Variants in STK3 observed in about 807,000 individuals in gnomAD.
STK3 encodes serine/threonine-protein kinase 3.
STK3 carries 41 observed loss-of-function variants against 58.0 expected under a neutral mutation model. The ratio of observed to expected loss-of-function variants is 0.71; its 90% CI spans 0.55 to 0.92. STK3 has a LOEUF of 0.92. Ranked by LOEUF, STK3 falls within the 40% of genes least tolerant of loss-of-function variation. The probability of loss-of-function intolerance (pLI) is 0.00; values close to 1 mark genes in which losing one functional copy is unlikely to be tolerated. For synonymous variants in STK3, 170 were observed against 191.0 expected (o/e 0.89, Z 0.91); for missense variants, 479 against 602.7 (o/e 0.79, Z 2.15).
At chr8:98,597,598 C>G (rs1409971260) in intron 6 of STK3, 1 of 985,406 alleles carries the variant, frequency 1.0e-6, no homozygotes, top group East Asian at 1.1e-4. Context: ...CTACTTCGTT[C>G]AGACAAAATC....
intron 3 of STK3, among the ~76,000 whole-genome samples, chr8:98,418,277 T>G (rs1009708879): frequency 6.6e-6 from 1 of 152,242 alleles, no homozygotes; most frequent in Non-Finnish European, 1.5e-5. Context: ...ATGCCTGATC[T>G]GTGGGTAGGG....
intron 3 of STK3, among the ~76,000 whole-genome samples, chr8:98,406,057 C>T (rs1466432667): frequency 6.6e-6 from 1 of 152,106 alleles, no homozygotes; most frequent in Non-Finnish European, 1.5e-5. Context: ...GAATTTGGCA[C>T]CCTCCTCTAT....
At chr8:98,935,734 C>T (rs1458534646) in intron 1 of STK3, among the ~76,000 whole-genome samples, 1 of 152,084 alleles carries the variant, frequency 6.6e-6, no homozygotes, top group Admixed American at 6.5e-5. Context: ...AAATTGTATA[C>T]TCTTGATAAC....
intron 6 of STK3, among the ~76,000 whole-genome samples, chr8:98,635,993 T>C (rs1466879296): frequency 6.6e-6 from 1 of 152,064 alleles, no homozygotes; most frequent in Non-Finnish European, 1.5e-5. Flanking sequence ...ACATTACCTA[T>C]TTTTTTATGC....
At chr8:98,911,269 A>G (rs1437530376) in intron 1 of STK3, among the ~76,000 whole-genome samples, 1 of 152,208 alleles carries the variant, frequency 6.6e-6, no homozygotes. Context: ...GTAGACCACA[A>G]CTAATTGTTA....
intron 1 of STK3, chr8:98,904,726 TC>T: frequency 2.4e-6 from 2 of 830,770 alleles, no homozygotes; most frequent in Non-Finnish European, 3.9e-6. Context: ...CGTAGCCCTC[TC>T]CAACTGTGGG....
chr8:98,893,478 GAAAGAAAGAGAA>G (rs1347325115), intron 1 of STK3, among the ~76,000 whole-genome samples: 1,335 of 64,274 alleles, frequency 0.021, 11 homozygotes, highest in Admixed American at 0.026. Context: ...AAGAAAGAAA[GAAAGAAAGAGAA>G]AGAAAGAAAG....
chr8:98,911,420 G>T (rs532899275), intron 1 of STK3, among the ~76,000 whole-genome samples: 152 of 152,114 alleles, frequency 1.0e-3, no homozygotes, highest in African/African-American at 3.0e-3. Context: ...TGGAGAGAGG[G>T]TCTTGCTCTG....
chr8:98,678,011 C>T (rs1416982050), intron 6 of STK3, among the ~76,000 whole-genome samples: 3 of 151,886 alleles, frequency 2.0e-5, no homozygotes, highest in African/African-American at 7.3e-5. Context: ...TTGGCAGGTA[C>T]AATACATTTT....
chr8:98,373,288 A>G (rs1388941884), intron 2 of STK3, among the ~76,000 whole-genome samples: 2 of 152,070 alleles, frequency 1.3e-5, no homozygotes, highest in Admixed American at 1.3e-4. Flanking sequence ...CCCAATCTCT[A>G]CCCTCCTGTA....
Position 98,817,739 on chromosome 8 carries a change from C to T in STK3, c.26+7776G>A, listed in dbSNP as rs1327113419. ...TCCTTCATTTATAACTCCAAAATAT[C>T]GCAAATCTCTCAACTTCTATCTCCA... On this transcript the variant is annotated intron_variant, in intron 1 of 10. Transcript: ENST00000419617. Among the ~76,000 whole-genome samples, 5 of 152,166 alleles carry T rather than the reference C, an allele frequency of 3.3e-5. No individual in the cohort carries two copies. In the South Asian group the frequency reaches 6.2e-4, roughly 19 times the overall value.
chr8:98,725,998 C>T (rs1484572514), intron 4 of STK3, among the ~76,000 whole-genome samples: 1 of 152,154 alleles, frequency 6.6e-6, no homozygotes, highest in Non-Finnish European at 1.5e-5. Flanking sequence ...GCTCCACATC[C>T]AAAGGGCTTT....
chr8:98,711,658 T>C (rs1442827575), intron 4 of STK3, among the ~76,000 whole-genome samples: 4 of 152,142 alleles, frequency 2.6e-5, no homozygotes, highest in African/African-American at 4.8e-5. Context: ...CTATGTCTGA[T>C]TGGTGTACCT....
chr8:98,897,058 A>C (rs573231589), intron 1 of STK3, among the ~76,000 whole-genome samples: 1 of 152,302 alleles, frequency 6.6e-6, no homozygotes, highest in Admixed American at 6.5e-5. Flanking sequence ...CTGTGTGTCC[A>C]TGTCTGTGTC....
intron 1 of STK3, chr8:98,905,550 T>C: frequency 9.5e-7 from 1 of 1,052,252 alleles, no homozygotes; most frequent in Non-Finnish European, 1.5e-6. Context: ...GTCTTCTATG[T>C]GTACAAAGCC....
chr8:98,526,043 T>G (rs1825722851), intron 10 of STK3, among the ~76,000 whole-genome samples: 2 of 152,044 alleles, frequency 1.3e-5, no homozygotes, highest in African/African-American at 4.8e-5. Context: ...AAAATGTGGT[T>G]AAGTAAAAAT....
At chr8:98,479,497 G>T (rs1413995044) in intron 10 of STK3, among the ~76,000 whole-genome samples, 8 of 95,434 alleles carry the variant, frequency 8.4e-5, no homozygotes, top group African/African-American at 2.8e-4. Flanking sequence ...GGGGGGGGGG[G>T]GGGGGCGGGA....
intron 6 of STK3, among the ~76,000 whole-genome samples, chr8:98,608,313 A>G (rs917230483): frequency 6.6e-6 from 1 of 152,274 alleles, no homozygotes; most frequent in South Asian, 2.1e-4. Flanking sequence ...ATTGATTCAT[A>G]TAAACAAAAG....
chr8:98,655,659 T>C, intron 6 of STK3, among the ~76,000 whole-genome samples: 1 of 150,816 alleles, frequency 6.6e-6, no homozygotes, highest in Admixed American at 6.6e-5. Flanking sequence ...AACAACCCCA[T>C]CAAAAAGTGG....
Sources: allele counts gnomAD v4.1 joint callset (sites outside exome capture counted in the v4.1 genomes callset), GRCh38; gene constraint gnomAD v4.1.1; transcripts MANE v1.5; gene names NCBI Gene and HGNC (gene_info 2026-07-23, HGNC 2026-07-21).